The following NEGR1 variants were observed in gnomAD, a reference collection of about 807,000 sequenced individuals.
NEGR1 encodes the protein neuronal growth regulator 1.
A neutral mutation model predicts 40.9 loss-of-function variants in NEGR1; 10 were observed. The observed-to-expected ratio is 0.24, with a 90% CI of 0.15 to 0.42. NEGR1 has a LOEUF of 0.42. Ranked by LOEUF, NEGR1 falls within the 10% of genes least tolerant of loss-of-function variation. The pLI is 1.00. For missense variants in NEGR1, 352 were observed against 438.9 expected (o/e 0.80, Z 1.77); for synonymous variants, 185 against 166.8 (o/e 1.11, Z -0.84).
At chr1:72,019,289 GTATA>G (rs1646737061) in intron 1 of NEGR1, among the ~76,000 whole-genome samples, 1 of 152,114 alleles carries the variant, frequency 6.6e-6, no homozygotes, top group Non-Finnish European at 1.5e-5. Flanking sequence ...TCATTCACAT[GTATA>G]TATAGTGTTA....
At chr1:72,091,913 G>T (rs965114941) in intron 1 of NEGR1, among the ~76,000 whole-genome samples, 1 of 152,110 alleles carries the variant, frequency 6.6e-6, no homozygotes, top group South Asian at 2.1e-4. Flanking sequence ...GTGTGTGTGT[G>T]TGTCTTATTA....
chr1:72,228,712 C>G (rs144426886), intron 1 of NEGR1, among the ~76,000 whole-genome samples: 4 of 151,976 alleles, frequency 2.6e-5, no homozygotes, highest in Non-Finnish European at 5.9e-5. Flanking sequence ...CAAAAGATGA[C>G]CAGGGACTTT....
chr1:72,006,130 T>C (rs1646604719), intron 1 of NEGR1, among the ~76,000 whole-genome samples: 1 of 152,176 alleles, frequency 6.6e-6, no homozygotes, highest in African/African-American at 2.4e-5. Context: ...AAATAAAATA[T>C]GCAAATAAAT....
intron 1 of NEGR1, among the ~76,000 whole-genome samples, chr1:71,964,600 T>C (rs1469428156): frequency 6.6e-6 from 1 of 152,116 alleles, no homozygotes; most frequent in East Asian, 1.9e-4. Context: ...CCCCAGACAT[T>C]TTTAAGCAGA....
intron 1 of NEGR1, among the ~76,000 whole-genome samples, chr1:72,046,746 A>G (rs1447639712): frequency 1.3e-5 from 2 of 151,720 alleles, no homozygotes; most frequent in Non-Finnish European, 3.0e-5. Context: ...ACAACAGAAT[A>G]AAAATAGCTC....
Position 71,865,035 on chromosome 1 carries a change from A to G in NEGR1, c.409+70044T>C, listed in dbSNP as rs986988687. Among the ~76,000 whole-genome samples, 8 of 152,302 alleles carry G rather than the reference A, an allele frequency of 5.3e-5. No homozygotes were observed. The East Asian group carries it at 1.5e-3, about 29-fold the overall frequency. ...TTTTTAGAGAGGACAGTTTCTAACA[A>G]GTTTTTCAATGAAAAGAAGTTCAAG... is the stretch of plus-strand genomic sequence containing the variant. On this transcript the variant is annotated intron_variant, in intron 2 of 6. Coordinates refer to ENST00000357731, the MANE Select transcript of NEGR1 (RefSeq NM_173808.3).
At chr1:71,553,014 T>C (rs1170389527) in intron 6 of NEGR1, among the ~76,000 whole-genome samples, 3 of 151,480 alleles carry the variant, frequency 2.0e-5, no homozygotes, top group African/African-American at 7.3e-5. Context: ...TTGCAGTCTA[T>C]TTCGTTCCAC....
At chr1:71,465,931 A>T (rs887753811) in intron 6 of NEGR1, among the ~76,000 whole-genome samples, 3 of 152,018 alleles carry the variant, frequency 2.0e-5, no homozygotes, top group Non-Finnish European at 4.4e-5. Context: ...TATTAGGAAA[A>T]ATGATTATGG....
chr1:71,948,597 C>A lies in NEGR1; in HGVS notation c.177-13286G>T, dbSNP rs576296809. Among the ~76,000 whole-genome samples the A allele has an allele frequency of 3.3e-5, 5 of 152,038 alleles. No homozygotes were observed. The South Asian group carries it at 1.0e-3, about 32-fold the overall frequency. ...TACATGTATAGTAAAAAAAGTGACA[C>A]ACTTTGAATATGAAACCAATATATA... is the stretch of plus-strand genomic sequence containing the variant. On this transcript the variant is annotated intron_variant, in intron 1 of 6. Transcript: ENST00000357731.
intron 1 of NEGR1, among the ~76,000 whole-genome samples, chr1:72,035,627 C>G (rs1297784984): frequency 6.6e-6 from 1 of 152,072 alleles, no homozygotes; most frequent in Non-Finnish European, 1.5e-5. Context: ...AGGCAGGGAT[C>G]TCAGTGGTAC....
chr1:71,837,365 G>A (rs1159274693), intron 2 of NEGR1, among the ~76,000 whole-genome samples: 18 of 152,080 alleles, frequency 1.2e-4, no homozygotes, highest in Admixed American at 1.2e-3. Context: ...CAGCTGTTAA[G>A]AGGAGGATCT....
intron 1 of NEGR1, among the ~76,000 whole-genome samples, chr1:72,221,404 A>T (rs1188998602): frequency 6.6e-6 from 1 of 152,136 alleles, no homozygotes; most frequent in Non-Finnish European, 1.5e-5. Context: ...TATTTATCTA[A>T]ATCTCGGATG....
At chr1:71,524,715 G>T (rs1647196712) in intron 6 of NEGR1, among the ~76,000 whole-genome samples, 1 of 151,666 alleles carries the variant, frequency 6.6e-6, no homozygotes, top group Non-Finnish European at 1.5e-5. Flanking sequence ...TAGCAGATTG[G>T]ATTATGATTA....
chr1:72,271,018 C>T (rs1655824360), intron 1 of NEGR1, among the ~76,000 whole-genome samples: 1 of 151,798 alleles, frequency 6.6e-6, no homozygotes, highest in Non-Finnish European at 1.5e-5. Flanking sequence ...CTCATTTAAT[C>T]CGTGTACTTC....
At chr1:72,243,617 A>G (rs1654817284) in intron 1 of NEGR1, among the ~76,000 whole-genome samples, 1 of 151,838 alleles carries the variant, frequency 6.6e-6, no homozygotes, top group Non-Finnish European at 1.5e-5. Context: ...ATTTAAGTTC[A>G]TTAATAAAGT....
At chr1:72,016,101 AT>A (rs929918439) in intron 1 of NEGR1, among the ~76,000 whole-genome samples, 16 of 151,620 alleles carry the variant, frequency 1.1e-4, no homozygotes, top group East Asian at 5.8e-4. Context: ...TTTTAACTTA[AT>A]TTTTTTTTGT....
intron 1 of NEGR1, among the ~76,000 whole-genome samples, chr1:72,042,231 C>T (rs2630389): frequency 1.3e-5 from 2 of 151,224 alleles, no homozygotes; most frequent in Non-Finnish European, 2.9e-5. Context: ...GCACTTCCTT[C>T]GGTTGTCAGA....
chr1:71,510,519 C>T (rs909681098), intron 6 of NEGR1, among the ~76,000 whole-genome samples: 6 of 152,042 alleles, frequency 3.9e-5, no homozygotes, highest in Middle Eastern at 3.2e-3. Flanking sequence ...TTGAAGGTCA[C>T]GATAAGCGAA....
At chr1:71,435,282 G>A (rs565326278) in intron 6 of NEGR1, among the ~76,000 whole-genome samples, 1 of 152,242 alleles carries the variant, frequency 6.6e-6, no homozygotes, top group South Asian at 2.1e-4. Flanking sequence ...GAGAAGAATT[G>A]AAGTTATTAC....
Sources: allele counts gnomAD v4.1 joint callset (sites outside exome capture counted in the v4.1 genomes callset), GRCh38; gene constraint gnomAD v4.1.1; transcripts MANE v1.5; gene names NCBI Gene and HGNC (gene_info 2026-07-23, HGNC 2026-07-21).